The following HDAC9 variants were observed in gnomAD, a reference collection of about 807,000 sequenced individuals.
HDAC9 encodes the protein histone deacetylase 9.
A neutral mutation model predicts 139.4 loss-of-function variants in HDAC9; 41 were observed. The observed-to-expected ratio is 0.29, with a 90% CI of 0.23 to 0.38. HDAC9 has a LOEUF of 0.38. Ranked by LOEUF, HDAC9 falls within the 10% of genes least tolerant of loss-of-function variation. The pLI is 1.00. For missense variants in HDAC9, 1,147 were observed against 1,297.0 expected (o/e 0.88, Z 1.78); for synonymous variants, 517 against 476.2 (o/e 1.09, Z -1.12).
intron 1 of HDAC9, among the ~76,000 whole-genome samples, chr7:18,488,166 C>T (rs1563038499): frequency 1.3e-5 from 2 of 152,006 alleles, no homozygotes; most frequent in African/African-American, 4.8e-5. Context: ...TGAAACAGAG[C>T]TTTCCATTAA....
intron 1 of HDAC9, among the ~76,000 whole-genome samples, chr7:18,350,462 T>C (rs1329775484): frequency 6.6e-6 from 1 of 152,220 alleles, no homozygotes; most frequent in Non-Finnish European, 1.5e-5. Flanking sequence ...AGTATTTTAA[T>C]TTCCTCTTTC....
At chr7:18,816,765 T>G (rs1409016080) in intron 17 of HDAC9, among the ~76,000 whole-genome samples, 1 of 152,226 alleles carries the variant, frequency 6.6e-6, no homozygotes, top group African/African-American at 2.4e-5. Flanking sequence ...AACGTACCAG[T>G]GACTTCAACA....
chr7:18,149,670 C>G (rs191041906), intron 1 of HDAC9, among the ~76,000 whole-genome samples: 4 of 152,148 alleles, frequency 2.6e-5, no homozygotes, highest in Admixed American at 2.0e-4. Flanking sequence ...CCCGCCTCAG[C>G]CTCCCAAGTA....
intron 2 of HDAC9, among the ~76,000 whole-genome samples, chr7:18,244,399 A>G (rs958538372): frequency 4.6e-5 from 7 of 152,186 alleles, no homozygotes; most frequent in African/African-American, 9.7e-5. Flanking sequence ...TTAAATCACT[A>G]TTTGTTCATT....
intron 22 of HDAC9, among the ~76,000 whole-genome samples, chr7:18,918,579 A>G (rs1342253686): frequency 3.3e-5 from 5 of 152,032 alleles, no homozygotes; most frequent in Admixed American, 3.3e-4. Context: ...AGCCACCAAA[A>G]TAACCACAGT....
chr7:18,268,545 A>G lies in HDAC9; in HGVS notation c.25+106196A>G, dbSNP rs573293907. Among the ~76,000 whole-genome samples, 10 of 152,296 alleles carry G rather than the reference A, an allele frequency of 6.6e-5. No individual in the cohort carries two copies. In the South Asian group the frequency reaches 1.9e-3, roughly 28 times the overall value. On this transcript the variant is annotated intron_variant, in intron 2 of 12. Transcript: ENST00000417496. The stretch of plus-strand genomic sequence containing the variant: ...TTCTCTCTTAGGCTCAAGAGCCTCA[A>G]TTTTCAAATGTGGTTGATTTTAATT...
rs577040923 is a variant in HDAC9, at chr7:18,397,433, C to A, written c.-41-98829C>A. On this transcript the variant is annotated intron_variant, in intron 1 of 3. Transcript: ENST00000413509. The stretch of plus-strand genomic sequence containing the variant: ...CTGAAATCAAAGCTCTTCATTAAGG[C>A]AAATCAGCATAGGGATTATTCCCTA... 2.6e-5 allele frequency among the ~76,000 whole-genome samples: 4 copies of A among 152,200 alleles called. No individual in the cohort carries two copies. In the South Asian group the frequency reaches 8.3e-4, roughly 32 times the overall value.
At chr7:18,509,146 A>G in intron 2 of HDAC9, 1 of 382,554 alleles carries the variant, frequency 2.6e-6, no homozygotes, top group Non-Finnish European at 3.6e-6. Context: ...TTGGACAAAC[A>G]TTTTTGAGGG....
intron 1 of HDAC9, among the ~76,000 whole-genome samples, chr7:18,158,112 C>G (rs1402004065): frequency 1.3e-5 from 2 of 152,094 alleles, no homozygotes; most frequent in African/African-American, 4.8e-5. Context: ...TTTTTGTTAC[C>G]TACATAGACT....
chr7:18,289,634 G>T (rs1421104691), upstream of HDAC9, among the ~76,000 whole-genome samples: 1 of 152,102 alleles, frequency 6.6e-6, no homozygotes, highest in East Asian at 1.9e-4. Context: ...TTCAAAGTGA[G>T]TACTCCAGAT....
At chr7:18,529,577 A>C (rs1180231821) in intron 2 of HDAC9, among the ~76,000 whole-genome samples, 1 of 152,194 alleles carries the variant, frequency 6.6e-6, no homozygotes, top group Non-Finnish European at 1.5e-5. Context: ...TCCCATAATA[A>C]CTTTAACATA....
intron 1 of HDAC9, among the ~76,000 whole-genome samples, chr7:18,136,879 G>A (rs1354482803): frequency 7.2e-5 from 11 of 151,816 alleles, no homozygotes; most frequent in African/African-American, 2.2e-4. Flanking sequence ...CATTGAATCT[G>A]TAAATTACCT....
At chr7:18,364,692 G>C (rs917943643) in intron 1 of HDAC9, among the ~76,000 whole-genome samples, 7 of 152,034 alleles carry the variant, frequency 4.6e-5, no homozygotes, top group African/African-American at 1.7e-4. Context: ...GCTTGAGAAG[G>C]CCTGGTCTAC....
chr7:18,778,516 T>C (rs138498652), intron 16 of HDAC9, among the ~76,000 whole-genome samples: 1 of 152,150 alleles, frequency 6.6e-6, no homozygotes, highest in East Asian at 1.9e-4. Context: ...AAGCACCCTT[T>C]ACACAGTGTG....
intron 16 of HDAC9, among the ~76,000 whole-genome samples, chr7:18,785,109 G>A (rs780365075): frequency 1.1e-4 from 16 of 151,922 alleles, no homozygotes; most frequent in Non-Finnish European, 1.8e-4. Context: ...TTCCTTTGGC[G>A]TATTAAGGAG....
At chr7:18,669,076 C>G (rs1292830235) in intron 12 of HDAC9, among the ~76,000 whole-genome samples, 2 of 151,574 alleles carry the variant, frequency 1.3e-5, no homozygotes, top group South Asian at 2.1e-4. Context: ...AAATTTGTTT[C>G]ATTTTCCTTT....
chr7:18,995,508 T>A (rs1270583443), intron 25 of HDAC9, among the ~76,000 whole-genome samples: 2 of 152,196 alleles, frequency 1.3e-5, no homozygotes, highest in Non-Finnish European at 2.9e-5. Context: ...GTAAAAATAT[T>A]GGGTCTGTAG....
intron 25 of HDAC9, among the ~76,000 whole-genome samples, chr7:18,985,236 C>A (rs892038096): frequency 6.6e-6 from 1 of 151,646 alleles, no homozygotes; most frequent in African/African-American, 2.4e-5. Context: ...AACCCCACAA[C>A]AGACCCCAGA....
chr7:18,146,349 A>G (rs766564045), intron 1 of HDAC9, among the ~76,000 whole-genome samples: 4 of 152,106 alleles, frequency 2.6e-5, no homozygotes, highest in Non-Finnish European at 5.9e-5. Flanking sequence ...TGATATGGCA[A>G]CTCTTCATTT....
Sources: gnomAD v4.1 joint callset for allele counts (sites outside exome capture counted in the v4.1 genomes callset) on GRCh38, gnomAD v4.1.1 for gene constraint, MANE v1.5 for transcripts, NCBI Gene and HGNC (gene_info 2026-07-23, HGNC 2026-07-21) for gene names.